Variants in GPRASP3 observed in about 807,000 individuals in gnomAD.
GPRASP3 encodes G protein-coupled receptor associated sorting protein family member 3, also known as G protein-coupled receptor associated sorting protein 3.
chrX:102,741,001 G>A, the GPRASP3 span, among the ~76,000 whole-genome samples: 10 of 111,497 alleles, frequency 9.0e-5, no homozygotes, highest in Middle Eastern at 9.3e-3. Flanking sequence ...ATATGTTACC[G>A]GTGGCAAATA....
chrX:102,741,930 A>C, the GPRASP3 span, among the ~76,000 whole-genome samples: 1 of 111,864 alleles, frequency 8.9e-6, no homozygotes, highest in African/African-American at 3.3e-5. Flanking sequence ...AGGAGAAATA[A>C]TTTCTCAGAC....
chrX:102,735,552 C>T, the GPRASP3 span, among the ~76,000 whole-genome samples: 3 of 109,878 alleles, frequency 2.7e-5, no homozygotes, highest in South Asian at 3.9e-4. Flanking sequence ...TACAGGCACC[C>T]GCCACCACAC....
the GPRASP3 span, chrX:102,751,387 G>C: frequency 8.1e-6 from 1 of 123,007 alleles, no homozygotes; most frequent in Non-Finnish European, 1.9e-5. Flanking sequence ...GTGATCTTGT[G>C]AGTTAGTTAC....
At chrX:102,723,148 CTCATT>C in the GPRASP3 span, among the ~76,000 whole-genome samples, 1 of 111,475 alleles carries the variant, frequency 9.0e-6, no homozygotes, top group Middle Eastern at 4.7e-3. Context: ...TTAAAAATAA[CTCATT>C]TCAAATTTCA....
the GPRASP3 span, chrX:102,748,840 G>T: frequency 1.9e-6 from 1 of 538,032 alleles, no homozygotes; most frequent in Non-Finnish European, 3.0e-6. Context: ...CTGTATGTTT[G>T]GAAAGAGAAC....
the GPRASP3 span, chrX:102,749,734 A>G: frequency 3.9e-5 from 47 of 1,209,725 alleles, no homozygotes; most frequent in Non-Finnish European, 4.9e-5. Flanking sequence ...TCCTTCATAT[A>G]TTGTTCTGGC....
At chrX:102,744,996 T>A in the GPRASP3 span, among the ~76,000 whole-genome samples, 26 of 110,775 alleles carry the variant, frequency 2.3e-4, no homozygotes, top group East Asian at 5.7e-4. Context: ...AGTAAAAAAA[T>A]ATATATATAT....
the GPRASP3 span, among the ~76,000 whole-genome samples, chrX:102,722,356 G>T: frequency 8.0e-5 from 9 of 112,442 alleles, no homozygotes; most frequent in African/African-American, 2.3e-4. Context: ...AGGTCCAGAA[G>T]GGTCCCAAAT....
At chrX:102,748,996 A>G in the GPRASP3 span, 3 of 1,202,762 alleles carry the variant, frequency 2.5e-6, no homozygotes, top group Non-Finnish European at 3.4e-6. Context: ...GGCTTCAACC[A>G]TGGCTGGGAC....
At chrX:102,746,010 A>G in the GPRASP3 span, 1 of 111,785 alleles carries the variant, frequency 8.9e-6, no homozygotes, top group Admixed American at 9.4e-5. Context: ...TTCTTGCAGC[A>G]TCCTGCGCAG....
the GPRASP3 span, among the ~76,000 whole-genome samples, chrX:102,746,981 GTAAT>G: frequency 2.7e-5 from 3 of 112,015 alleles, no homozygotes; most frequent in African/African-American, 6.5e-5. Context: ...TTTAAGTAAT[GTAAT>G]GATGTGTGAG....
the GPRASP3 span, among the ~76,000 whole-genome samples, chrX:102,727,707 ATTCT>A: frequency 8.9e-6 from 1 of 112,540 alleles, no homozygotes; most frequent in Non-Finnish European, 1.9e-5. Context: ...GTTCTCATCT[ATTCT>A]TTCTTGCTTT....
the GPRASP3 span, chrX:102,750,829 T>C: frequency 6.2e-6 from 2 of 323,211 alleles, no homozygotes; most frequent in Admixed American, 1.2e-4. Flanking sequence ...TTTTATCTTG[T>C]CTAGATTGGC....
At chrX:102,729,213 C>T in the GPRASP3 span, among the ~76,000 whole-genome samples, 1 of 111,608 alleles carries the variant, frequency 9.0e-6, no homozygotes, top group Admixed American at 9.5e-5. Context: ...CACCCAGAGC[C>T]TTCTTCATTT....
chrX:102,733,029 T>C, the GPRASP3 span, among the ~76,000 whole-genome samples: 2 of 112,455 alleles, frequency 1.8e-5, no homozygotes, highest in Admixed American at 9.4e-5. Context: ...AAGTCAAGCT[T>C]GATTCCTTAA....
At chrX:102,732,409 C>G in the GPRASP3 span, among the ~76,000 whole-genome samples, 1 of 111,504 alleles carries the variant, frequency 9.0e-6, no homozygotes, top group Non-Finnish European at 1.9e-5. Flanking sequence ...AGAAGGGTGT[C>G]TCTTGAATAT....
the GPRASP3 span, chrX:102,750,069 A>G: frequency 1.7e-6 from 2 of 1,206,642 alleles, no homozygotes; most frequent in South Asian, 1.8e-5. Context: ...CATTTGCCCA[A>G]GAGTTTATTA....
At chrX:102,749,824 C>T in the GPRASP3 span, 1 of 1,209,600 alleles carries the variant, frequency 8.3e-7, no homozygotes, top group Non-Finnish European at 1.1e-6. Flanking sequence ...ATGCTCACAG[C>T]CTATCCCTGA....
the GPRASP3 span, among the ~76,000 whole-genome samples, chrX:102,745,748 C>T: frequency 9.0e-6 from 1 of 111,125 alleles, no homozygotes; most frequent in Non-Finnish European, 1.9e-5. Context: ...CTGTCCCCTG[C>T]CTGGGTCCCC....
Sources: allele counts gnomAD v4.1 joint callset (sites outside exome capture counted in the v4.1 genomes callset), GRCh38; gene constraint gnomAD v4.1.1; transcripts MANE v1.5; gene names NCBI Gene and HGNC (gene_info 2026-07-23, HGNC 2026-07-21).